Variants in BPIFC observed in about 807,000 individuals in gnomAD.
The protein encoded by BPIFC is BPI fold containing family C.
BPIFC carries 60 observed loss-of-function variants against 57.6 expected under a neutral mutation model. The ratio of observed to expected loss-of-function variants is 1.04; its 90% CI spans 0.85 to 1.29. The LOEUF (loss-of-function observed/expected upper bound fraction) is 1.29. Among genes scored for constraint, BPIFC ranks in the 50% most tolerant of loss-of-function variants. The pLI, the probability that BPIFC is intolerant of heterozygous loss-of-function variation, is 0.00. For missense variants in BPIFC, 581 were observed against 600.5 expected (o/e 0.97, Z 0.34); for synonymous variants, 243 against 224.5 (o/e 1.08, Z -0.74).
intron 10 of BPIFC, 64 bp downstream of exon 10, chr22:32,435,640 A>T: frequency 1.3e-6 from 2 of 1,524,068 alleles, no homozygotes; most frequent in Non-Finnish European, 1.8e-6. Context: ...AAGTTCTACA[A>T]TAGGATACTT....
chr22:32,436,027 T>G, intron 9 of BPIFC, 147 bp from the exon 10 acceptor site: 1 of 836,400 alleles, frequency 1.2e-6, no homozygotes, highest in Non-Finnish European at 1.8e-6. Flanking sequence ...CCCAACACTT[T>G]GGGAGGCTGA....
At chr22:32,424,594 TCTTCTTCTC>T (rs1234314508) in intron 13 of BPIFC, among the ~76,000 whole-genome samples, 5 of 89,510 alleles carry the variant, frequency 5.6e-5, no homozygotes, top group Non-Finnish European at 1.0e-4. Context: ...TTCTTCTTCT[TCTTCTTCTC>T]CTCCTCCTCC....
At chr22:32,463,404 A>G (rs2145975082) in intron 1 of BPIFC, among the ~76,000 whole-genome samples, 1 of 152,330 alleles carries the variant, frequency 6.6e-6, no homozygotes, top group East Asian at 1.9e-4. Context: ...AAATCTCAGT[A>G]GTCATTATTT....
intron 16 of BPIFC, among the ~76,000 whole-genome samples, chr22:32,415,057 G>T (rs1283875037): frequency 2.0e-5 from 3 of 152,212 alleles, no homozygotes; most frequent in Non-Finnish European, 4.4e-5. Flanking sequence ...GGGATTGGGG[G>T]ATGGTTTCGG....
intron 13 of BPIFC, among the ~76,000 whole-genome samples, chr22:32,422,919 A>G (rs777281896): frequency 7.9e-5 from 12 of 152,160 alleles, no homozygotes; most frequent in Non-Finnish European, 1.5e-4. Flanking sequence ...GACTGGGAAA[A>G]TAGAAACCAT....
intron 12 of BPIFC, 25 bp from the exon 13 acceptor site, chr22:32,431,439 A>ATTTATTTATTTTTTATTTTTTTTTTTTTT: frequency 7.4e-7 from 1 of 1,343,078 alleles, no homozygotes; most frequent in Non-Finnish European, 1.1e-6. Context: ...AGCATTTATT[A>ATTTATTTATTTTTTATTTTTTTTTTTTTT]TTAAGACGAG....
chr22:32,428,188 A>C (rs1934120820), intron 13 of BPIFC, among the ~76,000 whole-genome samples: 1 of 152,134 alleles, frequency 6.6e-6, no homozygotes, highest in African/African-American at 2.4e-5. Flanking sequence ...ATATAAAGAT[A>C]AGTATGATCA....
chr22:32,425,533 C>T lies in BPIFC; in HGVS notation c.1217+5814G>A, dbSNP rs531961240. ...GAAATGATCTTGTACGATTGAGCACCTCCTTGTCCTGGCTGAGGCTATCTC... is the reference window on the plus strand; with the variant it reads ...GAAATGATCTTGTACGATTGAGCACTTCCTTGTCCTGGCTGAGGCTATCTC... On this transcript the variant is annotated intron_variant, in intron 13 of 16. Coordinates refer to ENST00000300399, the MANE Select transcript of BPIFC (RefSeq NM_174932.3). 2.0e-5 allele frequency among the ~76,000 whole-genome samples: 3 copies of T among 152,310 alleles called. No individual in the cohort carries two copies. The South Asian group carries it at 6.2e-4, about 32-fold the overall frequency.
chr22:32,416,651 T>C (rs1028744919), intron 15 of BPIFC, among the ~76,000 whole-genome samples: 1 of 152,214 alleles, frequency 6.6e-6, no homozygotes, highest in Non-Finnish European at 1.5e-5. Flanking sequence ...CTGCAGTTTA[T>C]GAACAACTGC....
At chr22:32,460,288 C>T (rs1955897041) in intron 2 of BPIFC, among the ~76,000 whole-genome samples, 1 of 152,160 alleles carries the variant, frequency 6.6e-6, no homozygotes, top group Non-Finnish European at 1.5e-5. Flanking sequence ...AAACCCCACA[C>T]CAGTGTACGC....
In BPIFC at chr22:32,414,316, T is replaced by A. The variant is rs149044521; in HGVS notation, c.1511A>T (p.Lys504Met). 5.0e-6 allele frequency: 8 copies of A among 1,613,446 alleles called. No individual in the cohort carries two copies. Among genetic ancestry groups the A allele is most frequent in the Middle Eastern group, 1.7e-4 (1 of 6,056 alleles). Residue 504 changes from lysine to methionine, a missense_variant, in exon 17 of 17, where the codon AAG (lysine) becomes ATG (methionine). Coordinates refer to ENST00000300399, the MANE Select transcript of BPIFC (RefSeq NM_174932.3). ...GCAAACCGGCAATCAAGGGGCTGAC[T>A]TCCCCCTCCACTGTCTGCTTATCAG... ...LNLISRQWRG[K>M]SAP
intron 4 of BPIFC, among the ~76,000 whole-genome samples, chr22:32,450,659 C>T (rs1601479561): frequency 6.6e-6 from 1 of 151,696 alleles, no homozygotes; most frequent in East Asian, 1.9e-4. Context: ...CATGATACAC[C>T]TCAATTCAAA....
At chr22:32,424,258 A>C (rs1933932410) in intron 13 of BPIFC, among the ~76,000 whole-genome samples, 1 of 152,234 alleles carries the variant, frequency 6.6e-6, no homozygotes, top group Non-Finnish European at 1.5e-5. Context: ...ATTCAAATCC[A>C]GATATGCCTG....
At chr22:32,446,907 T>A in intron 5 of BPIFC, 1 of 679,306 alleles carries the variant, frequency 1.5e-6, no homozygotes, top group Non-Finnish European at 1.8e-6. Flanking sequence ...ATGCAGTGAT[T>A]TGTGGGTGAT....
Position 32,445,715 on chromosome 22 carries a change from A to T in BPIFC, c.531-17T>A. On this transcript the variant is annotated splice_polypyrimidine_tract_variant and intron_variant, in intron 6 of 16. Coordinates refer to ENST00000300399, the MANE Select transcript of BPIFC (RefSeq NM_174932.3). Reference sequence around the variant, plus strand: ...TACAGAACACTGAGGAAAAAAATGAAAAAAAAAAAAAAAAAAAAAAGAGGT... The same window carrying T: ...TACAGAACACTGAGGAAAAAAATGATAAAAAAAAAAAAAAAAAAAAGAGGT... The T allele has an allele frequency of 7.5e-7, 1 of 1,331,390 alleles. No homozygotes were observed. Among genetic ancestry groups the T allele is most frequent in the Non-Finnish European group, 1.0e-6 (1 of 999,876 alleles). 82.5% of individuals were successfully genotyped at this position (1,331,390 alleles called of 1,614,324 possible).
At chr22:32,418,724 C>G (rs2014356) in intron 14 of BPIFC, among the ~76,000 whole-genome samples, 13,153 of 152,164 alleles carry the variant, frequency 0.086, 967 homozygotes, top group East Asian at 0.45. Context: ...GAACTAGGCA[C>G]TATTCTACCC....
intron 8 of BPIFC, among the ~76,000 whole-genome samples, chr22:32,440,494 G>A (rs1432218417): frequency 6.6e-6 from 1 of 152,118 alleles, no homozygotes; most frequent in East Asian, 1.9e-4. Context: ...GCACAGCGGT[G>A]AGTCAAAGTT....
Position 32,414,212 on chromosome 22 carries a change from A to G in BPIFC, c.*91T>C. The G allele has an allele frequency of 6.6e-7, 1 of 1,512,220 alleles. No individual in the cohort carries two copies. The highest frequency in any genetic ancestry group is 8.9e-7 in the Non-Finnish European group (1 of 1,125,290). 93.7% of individuals were successfully genotyped at this position (1,512,220 alleles called of 1,614,324 possible). ...CTAAGCAATTCACAAGGGCTTTACA[A>G]TTCCAGTGTGTACTGTCTTTCCCTT... On this transcript the variant is annotated 3_prime_UTR_variant, in exon 17 of 17. Transcript: ENST00000300399.
intron 13 of BPIFC, among the ~76,000 whole-genome samples, chr22:32,428,937 A>G (rs1934151133): frequency 6.6e-6 from 1 of 152,108 alleles, no homozygotes; most frequent in African/African-American, 2.4e-5. Context: ...TTGGAAAAAC[A>G]ATATACTTAC....
Sources: gnomAD v4.1 joint callset for allele counts (sites outside exome capture counted in the v4.1 genomes callset) on GRCh38, gnomAD v4.1.1 for gene constraint, MANE v1.5 for transcripts, NCBI Gene and HGNC (gene_info 2026-07-23, HGNC 2026-07-21) for gene names.